CFAP70: variants seen among roughly 807,000 people sequenced by gnomAD.
CFAP70 encodes the protein cilia and flagella associated protein 70, also known as cilia- and flagella-associated protein 70.
A neutral mutation model predicts 137.6 loss-of-function variants in CFAP70; 81 were observed. That is an observed-to-expected ratio of 0.59 (90% CI 0.49 to 0.71). The LOEUF is 0.71. Ranked by LOEUF, CFAP70 falls within the 30% of genes least tolerant of loss-of-function variation. CFAP70 has a pLI of 0.00. For missense variants in CFAP70, 976 were observed against 1,226.7 expected (o/e 0.80, Z 3.05); for synonymous variants, 382 against 423.6 (o/e 0.90, Z 1.20).
intron 8 of CFAP70, among the ~76,000 whole-genome samples, chr10:73,326,464 GA>G (rs1306355025): frequency 1.4e-5 from 2 of 147,458 alleles, no homozygotes; most frequent in African/African-American, 5.1e-5. Flanking sequence ...AAAGCTAGCA[GA>G]AGGCAAGAAA....
At chr10:73,302,596 G>A (rs1349049082) in intron 12 of CFAP70, among the ~76,000 whole-genome samples, 1 of 152,092 alleles carries the variant, frequency 6.6e-6, no homozygotes, top group Non-Finnish European at 1.5e-5. Flanking sequence ...TTATATGAGA[G>A]GACCTGTTTC....
chr10:73,355,705 C>A (rs1219636472), intron 1 of CFAP70, among the ~76,000 whole-genome samples: 2 of 152,118 alleles, frequency 1.3e-5, no homozygotes, highest in Non-Finnish European at 1.5e-5. Flanking sequence ...TTGAACACGG[C>A]AGGCAGAGGT....
chr10:73,300,066 A>G (rs888617383), intron 12 of CFAP70, among the ~76,000 whole-genome samples: 4 of 152,198 alleles, frequency 2.6e-5, no homozygotes, highest in African/African-American at 9.6e-5. Flanking sequence ...TGGAAATCTG[A>G]GTGGAATAGG....
chr10:73,298,760 A>C, intron 14 of CFAP70, 147 bp downstream of exon 15: 1 of 623,626 alleles, frequency 1.6e-6, no homozygotes, highest in Non-Finnish European at 2.7e-6. Context: ...TTCTCCTGAC[A>C]CTCTATCATA....
chr10:73,278,703 G>A (rs535040298), intron 19 of CFAP70, among the ~76,000 whole-genome samples: 8 of 152,256 alleles, frequency 5.3e-5, no homozygotes, highest in African/African-American at 1.2e-4. Context: ...GAGTGAGGCC[G>A]GGCGCGGTGG....
intron 24 of CFAP70, among the ~76,000 whole-genome samples, chr10:73,271,207 A>G (rs1051013865): frequency 2.0e-5 from 3 of 152,134 alleles, no homozygotes; most frequent in African/African-American, 7.2e-5. Context: ...GCTCACTGAC[A>G]GATGTGTGAA....
intron 24 of CFAP70, among the ~76,000 whole-genome samples, chr10:73,270,448 C>T (rs1427845145): frequency 5.2e-5 from 7 of 135,088 alleles, no homozygotes; most frequent in Non-Finnish European, 9.5e-5. Flanking sequence ...CTCCCCTCCC[C>T]TCCCCAGCCA....
intron 25 of CFAP70, among the ~76,000 whole-genome samples, chr10:73,259,368 T>C (rs2044890936): frequency 6.6e-6 from 1 of 152,244 alleles, no homozygotes; most frequent in South Asian, 2.1e-4. Flanking sequence ...TGCTTACTAG[T>C]GACACAGAGC....
At chr10:73,292,291 G>A (rs1417421572) in intron 16 of CFAP70, among the ~76,000 whole-genome samples, 1 of 152,078 alleles carries the variant, frequency 6.6e-6, no homozygotes, top group Admixed American at 6.6e-5. Context: ...CTAATACCTT[G>A]GGAGCCTAAA....
chr10:73,340,200 T>C (rs1589553696), intron 6 of CFAP70, among the ~76,000 whole-genome samples: 1 of 151,938 alleles, frequency 6.6e-6, no homozygotes. Flanking sequence ...TCCTGATGAG[T>C]GTTCAGCTCT....
At chr10:73,328,362 G>A (rs928404289) in intron 8 of CFAP70, among the ~76,000 whole-genome samples, 3 of 151,006 alleles carry the variant, frequency 2.0e-5, no homozygotes, top group Admixed American at 6.6e-5. Context: ...AGACTTAAAC[G>A]TTAGACCTAA....
intron 19 of CFAP70, among the ~76,000 whole-genome samples, chr10:73,279,539 A>G (rs1385189226): frequency 1.4e-5 from 2 of 142,988 alleles, no homozygotes; most frequent in Admixed American, 1.4e-4. Flanking sequence ...ATAAATAAAT[A>G]AATAAATAAA....
At chr10:73,341,100 T>G (rs1348234347) in intron 6 of CFAP70, among the ~76,000 whole-genome samples, 1 of 152,192 alleles carries the variant, frequency 6.6e-6, no homozygotes, top group East Asian at 1.9e-4. Context: ...GAGACATGAC[T>G]AGAGGGACAC....
chr10:73,330,914 A>G (rs1358586281), intron 8 of CFAP70, among the ~76,000 whole-genome samples: 11 of 152,216 alleles, frequency 7.2e-5, no homozygotes, highest in Non-Finnish European at 1.3e-4. Context: ...ATATCTGGTA[A>G]TAAAGCCTAG....
chr10:73,325,280 A>T (rs1379578031), intron 8 of CFAP70, among the ~76,000 whole-genome samples: 1 of 152,140 alleles, frequency 6.6e-6, no homozygotes, highest in African/African-American at 2.4e-5. Context: ...ACAGACAAGC[A>T]AATGCTGAGA....
chr10:73,316,469 T>C (rs1409397293), intron 9 of CFAP70, among the ~76,000 whole-genome samples: 1 of 116,516 alleles, frequency 8.6e-6, no homozygotes, highest in Non-Finnish European at 1.7e-5. Flanking sequence ...TTGAGATATA[T>C]ATATATATAT....
chr10:73,297,185 A>C lies in CFAP70; in HGVS notation c.1513-12T>G. On this transcript the variant is annotated splice_polypyrimidine_tract_variant and intron_variant, in intron 14 of 26. Transcript: ENST00000310715. ...TTTACCACAGCATGCTGCAAGACAC[A>C]CAGATCACCCATCTGATAATACAGT... 1.2e-6 allele frequency: 2 copies of C among 1,609,308 alleles called. No homozygotes were observed. The highest frequency in any genetic ancestry group is 2.2e-5 in the South Asian group (2 of 89,980).
chr10:73,351,962 C>T (rs530620336), intron 3 of CFAP70, among the ~76,000 whole-genome samples: 2 of 152,338 alleles, frequency 1.3e-5, no homozygotes, highest in African/African-American at 4.8e-5. Context: ...CCTCTGACAC[C>T]TGATGGAGGC....
At chr10:73,321,331 T>C (rs1357022939) in intron 9 of CFAP70, among the ~76,000 whole-genome samples, 1 of 152,132 alleles carries the variant, frequency 6.6e-6, no homozygotes, top group Non-Finnish European at 1.5e-5. Flanking sequence ...GGCAGGAGAA[T>C]TGCTTGAACC....
Sources: gnomAD v4.1 joint callset for allele counts (sites outside exome capture counted in the v4.1 genomes callset) on GRCh38, gnomAD v4.1.1 for gene constraint, MANE v1.5 for transcripts, NCBI Gene and HGNC (gene_info 2026-07-23, HGNC 2026-07-21) for gene names.